The following ARHGEF33 variants were observed in gnomAD, a reference collection of about 807,000 sequenced individuals.
The protein encoded by ARHGEF33 is Rho guanine nucleotide exchange factor 33, also known as DH and coiled-coil domain-containing protein ENSP00000381780.
A neutral mutation model predicts 101.9 loss-of-function variants in ARHGEF33; 72 were observed. The observed-to-expected ratio is 0.71, with a 90% CI of 0.58 to 0.86. The LOEUF is 0.86. ARHGEF33 is among the 40% of genes least tolerant of loss of function. ARHGEF33 has a pLI of 0.00. For synonymous variants in ARHGEF33, 499 were observed against 442.5 expected (o/e 1.13, Z -1.60); for missense variants, 1,169 against 1,111.3 (o/e 1.05, Z -0.74).
chr2:38,928,702 T>C, intron 4 of ARHGEF33: 2 of 378,518 alleles, frequency 5.3e-6, no homozygotes, highest in Non-Finnish European at 9.5e-6. Context: ...AGCTTCAGCA[T>C]ATGCTATATA....
At chr2:38,905,627 G>GC (rs1666371380) in intron 2 of ARHGEF33, among the ~76,000 whole-genome samples, 1 of 152,208 alleles carries the variant, frequency 6.6e-6, no homozygotes, top group Admixed American at 6.5e-5. Context: ...GCCAGCAGGT[G>GC]CCCTGCCTTC....
At chr2:38,972,519 C>G (rs1668188354) in intron 17 of ARHGEF33, among the ~76,000 whole-genome samples, 1 of 152,128 alleles carries the variant, frequency 6.6e-6, no homozygotes, top group African/African-American at 2.4e-5. Flanking sequence ...GCGGCTATGG[C>G]TTCATCTGTG....
At chr2:38,973,567 TA>T in intron 17 of ARHGEF33, 146 bp from the exon 18 acceptor site, 1 of 805,828 alleles carries the variant, frequency 1.2e-6, no homozygotes, top group Non-Finnish European at 1.8e-6. Flanking sequence ...ACACATGTCC[TA>T]AGTCATGAAA....
intron 17 of ARHGEF33, among the ~76,000 whole-genome samples, chr2:38,971,350 C>T (rs1668161079): frequency 6.6e-6 from 1 of 152,172 alleles, no homozygotes; most frequent in South Asian, 2.1e-4. Flanking sequence ...TCAGTATGTC[C>T]TGGCAGCCAT....
intron 2 of ARHGEF33, among the ~76,000 whole-genome samples, chr2:38,911,529 G>C (rs185829556): frequency 1.3e-5 from 2 of 152,272 alleles, no homozygotes; most frequent in Admixed American, 1.3e-4. Flanking sequence ...TTCTAGGTCA[G>C]TCTAGGGGAG....
chr2:38,913,266 G>A (rs1666553416), intron 2 of ARHGEF33, among the ~76,000 whole-genome samples: 1 of 152,174 alleles, frequency 6.6e-6, no homozygotes, highest in Non-Finnish European at 1.5e-5. Context: ...AAGCTGCGTA[G>A]ATAAATTTCT....
At chr2:38,934,432 A>T (rs1242412216) in intron 7 of ARHGEF33, among the ~76,000 whole-genome samples, 1 of 42,618 alleles carries the variant, frequency 2.3e-5, no homozygotes, top group African/African-American at 9.6e-5. Flanking sequence ...CCCTCCCTCC[A>T]TCCCTCCCCC....
At chr2:38,941,717 T>C (rs2124399227) in intron 9 of ARHGEF33, among the ~76,000 whole-genome samples, 1 of 152,062 alleles carries the variant, frequency 6.6e-6, no homozygotes, top group Non-Finnish European at 1.5e-5. Flanking sequence ...CTGGCTAATT[T>C]TTGTATTTTT....
At chr2:38,962,075 G>A (rs1252757720) in intron 16 of ARHGEF33, among the ~76,000 whole-genome samples, 2 of 152,198 alleles carry the variant, frequency 1.3e-5, no homozygotes, top group African/African-American at 4.8e-5. Flanking sequence ...ACATGTAATA[G>A]TGTGCTCAGC....
rs1448065150 is a variant in ARHGEF33, at chr2:38,889,906, T to C, written c.-239T>C. 1 of 471,042 alleles carries C rather than the reference T, an allele frequency of 2.1e-6. No individual in the cohort carries two copies. The highest frequency in any genetic ancestry group is 2.3e-5 in the Admixed American group (1 of 42,560). The allele number at this position is 471,042 out of a possible 1,614,324, so 29.2% of individuals were successfully genotyped here. ...GGGGAAGTCAAGCCTCTCTACTGCTTCTTTTTATAACCTTTAAGTTAATTC... is the reference window on the plus strand; with the variant it reads ...GGGGAAGTCAAGCCTCTCTACTGCTCCTTTTTATAACCTTTAAGTTAATTC... On this transcript the variant is annotated 5_prime_UTR_variant, in exon 1 of 18. Coordinates refer to ENST00000409978, the MANE Select transcript of ARHGEF33 (RefSeq NM_001145451.5).
At chr2:38,932,444 T>G (rs200239030) in intron 7 of ARHGEF33, among the ~76,000 whole-genome samples, 1,007 of 62,022 alleles carry the variant, frequency 0.016, 23 homozygotes, top group African/African-American at 0.078. Context: ...TTATTTTTAT[T>G]TTTTTTTTAC....
chr2:38,928,885 T>G, intron 4 of ARHGEF33, 22 bp from the exon 5 acceptor site: 1 of 1,530,576 alleles, frequency 6.5e-7, no homozygotes, highest in South Asian at 1.2e-5. Context: ...CAAATTGAAT[T>G]AACTTTTCAT....
At chr2:38,913,184 T>G (rs1002852615) in intron 2 of ARHGEF33, among the ~76,000 whole-genome samples, 1 of 152,136 alleles carries the variant, frequency 6.6e-6, no homozygotes, top group African/African-American at 2.4e-5. Context: ...CTACAGGCTT[T>G]GTCAACAAAT....
chr2:38,949,119 T>A (rs1345349499), intron 10 of ARHGEF33, among the ~76,000 whole-genome samples: 2 of 152,058 alleles, frequency 1.3e-5, no homozygotes, highest in African/African-American at 4.8e-5. Context: ...GTCACAGAGG[T>A]CACTTTGCTT....
intron 4 of ARHGEF33, among the ~76,000 whole-genome samples, chr2:38,925,892 A>G (rs1304286293): frequency 6.6e-6 from 1 of 152,190 alleles, no homozygotes; most frequent in East Asian, 1.9e-4. Context: ...AAAAGGAAGA[A>G]ATGTCCATAA....
chr2:38,894,642 C>G (rs1337835524), intron 1 of ARHGEF33, among the ~76,000 whole-genome samples: 1 of 152,128 alleles, frequency 6.6e-6, no homozygotes, highest in Non-Finnish European at 1.5e-5. Context: ...AGGTCTCCAC[C>G]TATCTCACTG....
chr2:38,936,576 C>A (rs1196059325), intron 8 of ARHGEF33, among the ~76,000 whole-genome samples: 2 of 152,272 alleles, frequency 1.3e-5, no homozygotes, highest in Middle Eastern at 3.4e-3. Flanking sequence ...GATGTATAGA[C>A]CAGAAACAGA....
At chr2:38,937,150 A>G (rs942278211) in intron 8 of ARHGEF33, 185 bp from the exon 9 acceptor site, 323 of 526,274 alleles carry the variant, frequency 6.1e-4, no homozygotes, top group Non-Finnish European at 9.7e-4. Context: ...GCCCGCCACC[A>G]CGCCCAGCTA....
At chr2:38,938,102 T>G in intron 9 of ARHGEF33, among the ~76,000 whole-genome samples, 1 of 152,256 alleles carries the variant, frequency 6.6e-6, no homozygotes, top group Non-Finnish European at 1.5e-5. Context: ...AGGTTTGTTA[T>G]GAAGAAGAGC....
Sources: allele counts gnomAD v4.1 joint callset (sites outside exome capture counted in the v4.1 genomes callset), GRCh38; gene constraint gnomAD v4.1.1; transcripts MANE v1.5; gene names NCBI Gene and HGNC (gene_info 2026-07-23, HGNC 2026-07-21).